Variants in NTNG2 observed in about 807,000 individuals in gnomAD.
NTNG2 encodes netrin-G2.
NTNG2 carries 15 observed loss-of-function variants against 47.6 expected under a neutral mutation model. The observed-to-expected ratio is 0.32, with a 90% confidence interval of 0.21 to 0.49. The LOEUF is 0.49. Among genes scored for constraint, NTNG2 ranks in the 20% least tolerant of loss-of-function variants. NTNG2 has a pLI of 0.99. For synonymous variants in NTNG2, 307 were observed against 324.6 expected, an observed-to-expected ratio of 0.95 and a Z score of 0.58; for missense variants, 578 against 764.6, an observed-to-expected ratio of 0.76 and a Z score of 2.88.
Position 132,198,285 on chromosome 9 carries a change from C to A in NTNG2, c.533C>A (p.Ser178Tyr). ...AEDCMEAFGM[S>Y]ARRARDMSSS... ...GACTGCATGGAGGCCTTCGGTATGTCCGCCCGCCGGGCCCGCGACATGTCA... is the reference window on the plus strand; with the variant it reads ...GACTGCATGGAGGCCTTCGGTATGTACGCCCGCCGGGCCCGCGACATGTCA... Residue 178 changes from serine (S) to tyrosine (Y), a missense_variant, in exon 3 of 8, where the codon TCC becomes TAC. Transcript: ENST00000393229. 2 of 1,609,982 alleles carry A rather than the reference C, an allele frequency of 1.2e-6. No individual in the cohort carries two copies. The highest frequency in any genetic ancestry group is 1.7e-6 in the Non-Finnish European group (2 of 1,179,150).
chr9:132,230,982 G>C, intron 5 of NTNG2, among the ~76,000 whole-genome samples: 1 of 152,068 alleles, frequency 6.6e-6, no homozygotes, highest in Non-Finnish European at 1.5e-5. Context: ...CTGGATCTGG[G>C]AGAGCAGTCT....
At position 132,226,730 on chromosome 9, in the gene NTNG2, T is replaced by G; in HGVS notation, c.858-119T>G. 1.2e-6 allele frequency: 1 copy of G among 841,604 alleles called. No individual in the cohort carries two copies. Among genetic ancestry groups the G allele is most frequent in the Middle Eastern group, 3.7e-4 (1 of 2,690 alleles). 52.1% of individuals were successfully genotyped at this position (841,604 alleles called of 1,614,324 possible). A position where few individuals can be genotyped will look rare whatever the true frequency, so the allele number is the denominator to read the frequency against. ...GGTTGGGCTGGTGGCCTCCAGGGTT[T>G]CTTCCTGGGCAGCCCAACACCCTCC... On this transcript the variant is annotated intron_variant, in intron 3 of 7. Coordinates refer to ENST00000393229, the MANE Select transcript of NTNG2 (RefSeq NM_032536.4). The surrounding 1 kb of genome is among the most constrained non-coding windows in gnomAD (Gnocchi z 4.8).
chr9:132,213,262 A>C (rs6597560), intron 3 of NTNG2, among the ~76,000 whole-genome samples: 92,134 of 150,740 alleles, frequency 0.61, 30,554 homozygotes, highest in African/African-American at 0.89. Context: ...GCGGAGGTTA[A>C]AGTGAGCTGA....
intron 4 of NTNG2, among the ~76,000 whole-genome samples, chr9:132,227,980 C>G (rs1305941053): frequency 6.6e-6 from 1 of 152,204 alleles, no homozygotes; most frequent in African/African-American, 2.4e-5. Context: ...CTCGCTTCAC[C>G]CTCACACAGC....
Position 132,231,454 on chromosome 9 carries a change from T to A in NTNG2, c.1054+859T>A, listed in dbSNP as rs1247671182. 2.5e-6 allele frequency: 1 copy of A among 400,386 alleles called. No homozygotes were observed. The highest frequency in any genetic ancestry group is 7.7e-5 in the East Asian group (1 of 12,908). The allele number at this position is 400,386 out of a possible 1,614,324, so 24.8% of individuals were successfully genotyped here. A position where few individuals can be genotyped will look rare whatever the true frequency, so the allele number is the denominator to read the frequency against. On this transcript the variant is annotated intron_variant, in intron 5 of 7. Coordinates refer to ENST00000393229, the MANE Select transcript of NTNG2 (RefSeq NM_032536.4). This position sits in a 1 kb window ranked among gnomAD's most constrained non-coding sequence, Gnocchi z 4.1. Reference sequence around the variant, plus strand: ...CACCAGGGCTCTGTGGGGCCCCACATCCCACCCAAGTTGTCCCTCCCGGAC... The same window carrying A: ...CACCAGGGCTCTGTGGGGCCCCACAACCCACCCAAGTTGTCCCTCCCGGAC...
At chr9:132,179,499 C>T (rs1045855797) in intron 2 of NTNG2, among the ~76,000 whole-genome samples, 1 of 152,092 alleles carries the variant, frequency 6.6e-6, no homozygotes, top group African/African-American at 2.4e-5. Flanking sequence ...AGGGCAAGGC[C>T]GGGTAGGATG....
intron 3 of NTNG2, among the ~76,000 whole-genome samples, chr9:132,219,732 C>T (rs1487560038): frequency 6.6e-6 from 1 of 152,250 alleles, no homozygotes; most frequent in South Asian, 2.1e-4. Flanking sequence ...TATTCATTGC[C>T]TGCTTACACA....
intron 7 of NTNG2, 111 bp from the exon 8 acceptor site, chr9:132,241,765 C>T: frequency 1.3e-6 from 1 of 769,652 alleles, no homozygotes; most frequent in Non-Finnish European, 2.0e-6. Context: ...CCTCCTACAT[C>T]CCCGGCCCAG....
intron 2 of NTNG2, among the ~76,000 whole-genome samples, chr9:132,175,227 C>T (rs900207478): frequency 3.9e-5 from 6 of 152,170 alleles, no homozygotes; most frequent in East Asian, 3.9e-4. Context: ...TGCATCTGAC[C>T]GGTGAATATT....
intron 2 of NTNG2, among the ~76,000 whole-genome samples, chr9:132,172,631 C>T (rs2131302570): frequency 6.6e-6 from 1 of 152,156 alleles, no homozygotes; most frequent in African/African-American, 2.4e-5. Context: ...TTGATCAGTG[C>T]CCAGTAAGCA....
intron 3 of NTNG2, among the ~76,000 whole-genome samples, chr9:132,207,866 G>T (rs1839289292): frequency 6.6e-6 from 1 of 152,230 alleles, no homozygotes; most frequent in Admixed American, 6.5e-5. Flanking sequence ...CACTTTGGGA[G>T]GCTGAGGCTG....
chr9:132,162,574 G>A lies in NTNG2; in HGVS notation c.-484+335G>A, dbSNP rs1185368992. ...TGTGTGTGAGAGAGAGACAGAGTGT[G>A]TGTGTGTGTGTGTGTGTGTGTGTGT... On this transcript the variant is annotated intron_variant, in intron 1 of 7. Transcript: ENST00000393229. This position sits in a 1 kb window ranked among gnomAD's most constrained non-coding sequence, Gnocchi z 4.6. 1.4e-5 allele frequency among the ~76,000 whole-genome samples: 1 copy of A among 70,114 alleles called. No homozygotes were observed. The highest frequency in any genetic ancestry group is 1.2e-4 in the Admixed American group (1 of 8,464). The allele number at this position is 70,114 out of a possible 152,430, so 46.0% of individuals were successfully genotyped here. A position where few individuals can be genotyped will look rare whatever the true frequency, so the allele number is the denominator to read the frequency against.
chr9:132,209,401 C>T (rs774584115), intron 3 of NTNG2, among the ~76,000 whole-genome samples: 3 of 152,206 alleles, frequency 2.0e-5, no homozygotes, highest in Non-Finnish European at 4.4e-5. Context: ...GTCCTGAGCT[C>T]CGCGGTGACG....
chr9:132,207,569 C>T (rs966821908), intron 3 of NTNG2, among the ~76,000 whole-genome samples: 2 of 152,212 alleles, frequency 1.3e-5, no homozygotes, highest in Non-Finnish European at 2.9e-5. Context: ...AACTTACATC[C>T]TCATCCACAT....
In NTNG2 at chr9:132,241,886, C is replaced by A; in HGVS notation, c.1368C>A (p.Cys456Ter). Residue 456 changes from cysteine to a stop codon, truncating the protein, a stop_gained, in exon 8 of 8, where the codon TGC (cysteine) becomes TGA (stop). Transcript: ENST00000393229. LOFTEE classifies it low-confidence loss of function (END_TRUNC). The part of the protein sequence containing the change: ...YWRQGCYPNV[C>*]DDDQLLCQNG... ...CCCCTCCGCCTGCAGCCAACGTGTG[C>A]GACGACGACCAGCTGCTGTGCCAGA... is the stretch of plus-strand genomic sequence containing the variant. The A allele has an allele frequency of 2.5e-6, 4 of 1,572,842 alleles. No individual in the cohort carries two copies. Among genetic ancestry groups the A allele is most frequent in the Non-Finnish European group, 3.4e-6 (4 of 1,165,950 alleles).
chr9:132,212,607 A>C lies in NTNG2; in HGVS notation c.857+13998A>C, dbSNP rs1839668905. Among the ~76,000 whole-genome samples, 5 of 149,962 alleles carry C rather than the reference A, an allele frequency of 3.3e-5. No homozygotes were observed. The Middle Eastern group carries it at 0.017, about 510-fold the overall frequency. The stretch of plus-strand genomic sequence containing the variant: ...CCACCCAGACCTCCCCTCTGCCCCC[A>C]CGGCTCTGTTGTTGGTTCCTCGCTT... On this transcript the variant is annotated intron_variant, in intron 3 of 7. Transcript: ENST00000393229.
At chr9:132,183,839 G>C (rs1837130447) in intron 2 of NTNG2, among the ~76,000 whole-genome samples, 1 of 152,112 alleles carries the variant, frequency 6.6e-6, no homozygotes. Flanking sequence ...TGGTTAGTTG[G>C]TTGGTTAATT....
rs1838491511 is a variant in NTNG2, at chr9:132,198,503, G to A, written c.751G>A (p.Asp251Asn). Residue 251 changes from aspartate to asparagine, a missense_variant, in exon 3 of 8, where the codon GAC becomes AAC. Coordinates refer to ENST00000393229, the MANE Select transcript of NTNG2 (RefSeq NM_032536.4). ...KGLKEFFTLT[D>N]LRMRLLRPAL... ...CCTCAAGGAGTTCTTCACCCTCACC[G>A]ACCTGCGCATGCGGCTGCTGCGCCC... The A allele has an allele frequency of 6.2e-7, 1 of 1,613,166 alleles. No individual in the cohort carries two copies. The highest frequency in any genetic ancestry group is 1.1e-5 in the South Asian group (1 of 91,086).
At position 132,226,270 on chromosome 9, in the gene NTNG2, T is replaced by C. The variant is rs1334598016; in HGVS notation, c.858-579T>C. On this transcript the variant is annotated intron_variant, in intron 3 of 7. Coordinates refer to ENST00000393229, the MANE Select transcript of NTNG2 (RefSeq NM_032536.4). The surrounding 1 kb of genome is among the most constrained non-coding windows in gnomAD (Gnocchi z 4.8). The stretch of plus-strand genomic sequence containing the variant: ...AGAATAATGAGTCGCCTATAAATAT[T>C]TGAATGAATGGATGAATAATACACC... Among the ~76,000 whole-genome samples, 1 of 152,240 alleles carries C rather than the reference T, an allele frequency of 6.6e-6. No individual in the cohort carries two copies. The highest frequency in any genetic ancestry group is 1.9e-4 in the East Asian group (1 of 5,204).
Sources: gnomAD v4.1 joint callset for allele counts (sites outside exome capture counted in the v4.1 genomes callset) on GRCh38, gnomAD v4.1.1 for gene constraint, Gnocchi (gnomAD v3.1) non-coding constraint, MANE v1.5 for transcripts, NCBI Gene and HGNC (gene_info 2026-07-23, HGNC 2026-07-21) for gene names.